AOAH: variants seen among roughly 807,000 people sequenced by gnomAD.
The protein encoded by AOAH is acyloxyacyl hydrolase (neutrophil).
A neutral mutation model predicts 92.2 loss-of-function variants in AOAH; 64 were observed. The ratio of observed to expected loss-of-function variants is 0.69; its 90% confidence interval spans 0.57 to 0.86. The LOEUF (loss-of-function observed/expected upper bound fraction) is 0.86, where lower values mean the gene tolerates loss of function less well. AOAH is among the 40% of genes least tolerant of loss of function. The probability of loss-of-function intolerance (pLI) is 0.00; values close to 1 mark genes in which losing one functional copy is unlikely to be tolerated. For synonymous variants in AOAH, 263 were observed against 254.5 expected, an observed-to-expected ratio of 1.03 and a Z score of -0.32; for missense variants, 656 against 694.6, an observed-to-expected ratio of 0.94 and a Z score of 0.62.
rs115553042 is a variant in AOAH at position 36,671,828 on chromosome 7, T to C, written c.290+2115A>G. On this transcript the variant is annotated intron_variant, in intron 3 of 20. Coordinates refer to ENST00000617537, the MANE Select transcript of AOAH (RefSeq NM_001637.4). Reference sequence around the variant, plus strand: ...TGGGGAGACTACAAGTGGTTTGAAGTGTAGTGTGCTATGGAGTGGCAAGGG... The same window carrying C: ...TGGGGAGACTACAAGTGGTTTGAAGCGTAGTGTGCTATGGAGTGGCAAGGG... 2.2e-3 allele frequency among the ~76,000 whole-genome samples: 331 copies of C among 152,030 alleles called. 4 individuals carry two copies. The highest frequency in any genetic ancestry group is 7.4e-3 in the African/African-American group (307 of 41,434).
chr7:36,585,117 G>T (rs1227836141), intron 12 of AOAH, among the ~76,000 whole-genome samples: 1 of 152,020 alleles, frequency 6.6e-6, no homozygotes, highest in Non-Finnish European at 1.5e-5. Flanking sequence ...GTTAGATGGG[G>T]GGTCAGTATG....
At position 36,602,211 on chromosome 7, in the gene AOAH, C is replaced by T. The variant is rs527891259; in HGVS notation, c.847-7781G>A. Reference sequence around the variant, plus strand: ...AGAGGACAAAATGGCAAATAACACTCCATGTTTCATCATTTTGCTTGAATG... The same window carrying T: ...AGAGGACAAAATGGCAAATAACACTTCATGTTTCATCATTTTGCTTGAATG... On this transcript the variant is annotated intron_variant, in intron 11 of 20. Coordinates refer to ENST00000617537, the MANE Select transcript of AOAH (RefSeq NM_001637.4). Among the ~76,000 whole-genome samples, 3 of 152,236 alleles carry T rather than the reference C, an allele frequency of 2.0e-5. No homozygotes were observed. The East Asian group carries it at 5.8e-4, about 29-fold the overall frequency.
At chr7:36,710,497 C>T (rs534936698) in intron 1 of AOAH, among the ~76,000 whole-genome samples, 5 of 152,310 alleles carry the variant, frequency 3.3e-5, no homozygotes, top group Admixed American at 2.0e-4. Context: ...TCAAATCAGA[C>T]TGAAGCCCTG....
chr7:36,587,755 C>A (rs1024044691), intron 12 of AOAH, among the ~76,000 whole-genome samples: 1 of 152,072 alleles, frequency 6.6e-6, no homozygotes, highest in Admixed American at 6.6e-5. Context: ...TCTTTGAAAG[C>A]TCAAATTTTA....
At chr7:36,514,393 T>G (rs1583697123) in intron 20 of AOAH, 2 of 1,133,780 alleles carry the variant, frequency 1.8e-6, no homozygotes, top group Non-Finnish European at 2.5e-6. Context: ...GGGCAGGGAG[T>G]CTGGCTGAAG....
chr7:36,532,862 C>T (rs975358786), intron 16 of AOAH, among the ~76,000 whole-genome samples: 6 of 152,230 alleles, frequency 3.9e-5, no homozygotes, highest in Admixed American at 3.9e-4. Flanking sequence ...GTATCTGAAG[C>T]TCTGACCACG....
chr7:36,541,405 G>A (rs1485692966), intron 15 of AOAH, among the ~76,000 whole-genome samples: 1 of 152,216 alleles, frequency 6.6e-6, no homozygotes, highest in Non-Finnish European at 1.5e-5. Flanking sequence ...TCAGACAAAG[G>A]TGAAGCTCCT....
chr7:36,576,100 T>C (rs1408545490), intron 13 of AOAH, among the ~76,000 whole-genome samples: 1 of 152,172 alleles, frequency 6.6e-6, no homozygotes, highest in Non-Finnish European at 1.5e-5. Flanking sequence ...TTCATCAGAA[T>C]CTTGTGGCAA....
chr7:36,620,888 G>A, intron 8 of AOAH, 59 bp from the exon 9 acceptor site: 5 of 1,476,904 alleles, frequency 3.4e-6, no homozygotes, highest in Non-Finnish European at 3.8e-6. Context: ...GTGGATGTCA[G>A]TTTCATGCAT....
intron 7 of AOAH, 124 bp downstream of exon 7, chr7:36,623,066 A>G: frequency 1.2e-6 from 1 of 851,114 alleles, no homozygotes; most frequent in Non-Finnish European, 1.9e-6. Context: ...TTGTGAAATG[A>G]TGTGTTGTTC....
At chr7:36,615,149 A>G (rs1040692865) in intron 11 of AOAH, among the ~76,000 whole-genome samples, 1 of 152,160 alleles carries the variant, frequency 6.6e-6, no homozygotes, top group East Asian at 1.9e-4. Flanking sequence ...CTCCAGGGAC[A>G]AGCTACTACA....
intron 3 of AOAH, among the ~76,000 whole-genome samples, chr7:36,665,740 GT>G (rs909175938): frequency 7.3e-5 from 11 of 151,418 alleles, no homozygotes; most frequent in Non-Finnish European, 1.2e-4. Context: ...TTTACTGAGA[GT>G]TTTTTTTAAA....
chr7:36,715,999 T>A (rs1799137204), intron 1 of AOAH, among the ~76,000 whole-genome samples: 1 of 151,874 alleles, frequency 6.6e-6, no homozygotes, highest in Non-Finnish European at 1.5e-5. Flanking sequence ...CTAAAGAGCT[T>A]CTGCACAGCA....
rs1790147894 is a variant in AOAH, at chr7:36,513,254, A to T, written c.1726T>A (p.Ter576ArgextTer18). 1 of 1,614,174 alleles carries T rather than the reference A, an allele frequency of 6.2e-7. No individual in the cohort carries two copies. The highest frequency in any genetic ancestry group is 1.3e-5 in the African/African-American group (1 of 75,046). Residue 576 changes from the stop codon to arginine, a stop_lost, in exon 21 of 21, where the codon TGA becomes AGA. Transcript: ENST00000617537. ...AGGGGTGCATGCTCCTGAGAGGCTC[A>T]GTGCCCGCCTTGGTCTCCAAACACC... The part of the protein sequence containing the change: ...KQVFGDQGGH[*>R]
chr7:36,562,217 T>C (rs773708110), intron 13 of AOAH, among the ~76,000 whole-genome samples: 1 of 152,216 alleles, frequency 6.6e-6, no homozygotes, highest in Non-Finnish European at 1.5e-5. Context: ...CATCAACATT[T>C]TGTGTCTCTC....
At chr7:36,663,234 C>T (rs993112022) in intron 3 of AOAH, among the ~76,000 whole-genome samples, 6 of 152,170 alleles carry the variant, frequency 3.9e-5, no homozygotes, top group African/African-American at 9.7e-5. Context: ...CCTCCTGCCC[C>T]GACACATGCA....
chr7:36,563,095 C>A (rs1386453360), intron 13 of AOAH, among the ~76,000 whole-genome samples: 3 of 128,070 alleles, frequency 2.3e-5, no homozygotes, highest in Non-Finnish European at 4.7e-5. Flanking sequence ...TGCAGTGAGC[C>A]GAGATCGTGC....
chr7:36,677,397 A>T (rs1334111233), intron 2 of AOAH, among the ~76,000 whole-genome samples: 1 of 152,232 alleles, frequency 6.6e-6, no homozygotes, highest in Non-Finnish European at 1.5e-5. Flanking sequence ...ATACAACTTC[A>T]TGTCCACTAT....
At chr7:36,558,123 CTT>C (rs1171369939) in intron 13 of AOAH, among the ~76,000 whole-genome samples, 2 of 152,052 alleles carry the variant, frequency 1.3e-5, no homozygotes, top group African/African-American at 4.8e-5. Flanking sequence ...GTTTTATCTA[CTT>C]TTGGTCTTTG....
Sources: allele counts gnomAD v4.1 joint callset (sites outside exome capture counted in the v4.1 genomes callset), GRCh38; gene constraint gnomAD v4.1.1; transcripts MANE v1.5; gene names NCBI Gene and HGNC (gene_info 2026-07-23, HGNC 2026-07-21).